The following PCSK5 variants were observed in gnomAD, a reference collection of about 807,000 sequenced individuals.
PCSK5 encodes the protein prohormone convertase 5.
In PCSK5, 129 loss-of-function variants were observed where a neutral mutation model predicts 233.2. The ratio of observed to expected loss-of-function variants is 0.55; its 90% CI spans 0.48 to 0.64. The LOEUF is 0.64. PCSK5 is among the 30% of genes least tolerant of loss of function. The pLI is 0.00. For missense variants in PCSK5, 2,076 were observed against 2,430.1 expected (o/e 0.85, Z 3.06); for synonymous variants, 825 against 879.2 (o/e 0.94, Z 1.09).
intron 7 of PCSK5, among the ~76,000 whole-genome samples, chr9:76,083,646 C>T (rs1830942458): frequency 2.0e-5 from 3 of 152,210 alleles, no homozygotes; most frequent in Admixed American, 1.3e-4. Flanking sequence ...AAGACTCTGA[C>T]CACTATTTTC....
chr9:76,105,644 C>T (rs1430695093), intron 8 of PCSK5, among the ~76,000 whole-genome samples: 2 of 152,218 alleles, frequency 1.3e-5, no homozygotes, highest in African/African-American at 4.8e-5. Flanking sequence ...GCAAGCATCA[C>T]ATGTCGAGGT....
At position 76,323,307 on chromosome 9, in the gene PCSK5, C is replaced by A; in HGVS notation, c.4339+19C>A. ...TGCAGAGGTAAAGACTTCTGGGATT[C>A]AAAATAGGCTCCGGGGTTTGCATAG... On this transcript the variant is annotated intron_variant, in intron 32 of 37. Transcript: ENST00000674117. 1 of 1,435,104 alleles carries A rather than the reference C, an allele frequency of 7.0e-7. No homozygotes were observed. The highest frequency in any genetic ancestry group is 2.3e-5 in the East Asian group (1 of 43,986). 88.9% of individuals were successfully genotyped at this position (1,435,104 alleles called of 1,614,324 possible).
intron 7 of PCSK5, among the ~76,000 whole-genome samples, chr9:76,086,391 A>G (rs541124790): frequency 6.6e-6 from 1 of 152,266 alleles, no homozygotes; most frequent in Non-Finnish European, 1.5e-5. Context: ...CCCCCACAAA[A>G]TGGGAAAACT....
rs557099839 is a variant in PCSK5, at chr9:76,072,818, A to T, written c.894+920A>T. On this transcript the variant is annotated intron_variant, in intron 7 of 37. Transcript: ENST00000674117. ...TAAGCCAAATCCTGTTTGACCATCA[A>T]GCGCCAGCTAAAAAAGGTTCACGTC... 1.1e-4 allele frequency among the ~76,000 whole-genome samples: 17 copies of T among 152,272 alleles called. No individual in the cohort carries two copies. The East Asian group carries it at 2.5e-3, about 22-fold the overall frequency.
At chr9:75,995,092 C>T (rs1362935822) in intron 3 of PCSK5, among the ~76,000 whole-genome samples, 1 of 152,220 alleles carries the variant, frequency 6.6e-6, no homozygotes. Flanking sequence ...CCATGTCCCT[C>T]TGCTGGGTTA....
intron 5 of PCSK5, among the ~76,000 whole-genome samples, chr9:76,064,259 G>C (rs1321770781): frequency 2.0e-5 from 2 of 101,334 alleles, no homozygotes; most frequent in Non-Finnish European, 3.8e-5. Flanking sequence ...CCTCCTGGAC[G>C]GGGTGGCTGG....
intron 2 of PCSK5, among the ~76,000 whole-genome samples, chr9:75,946,291 C>T (rs556327981): frequency 1.3e-5 from 2 of 152,168 alleles, no homozygotes; most frequent in African/African-American, 2.4e-5. Flanking sequence ...AGAGAAGACA[C>T]TGTTATAAAA....
chr9:76,096,301 A>G (rs962079044), intron 8 of PCSK5, among the ~76,000 whole-genome samples, 199 bp downstream of exon 8: 2 of 152,206 alleles, frequency 1.3e-5, no homozygotes, highest in African/African-American at 2.4e-5. Flanking sequence ...TTGTGCAGTC[A>G]TCACATTGCA....
chr9:75,952,608 T>G (rs1330737580), intron 2 of PCSK5, among the ~76,000 whole-genome samples: 1 of 152,208 alleles, frequency 6.6e-6, no homozygotes, highest in Non-Finnish European at 1.5e-5. Flanking sequence ...CATGGGTCCC[T>G]TTATATTCAG....
intron 20 of PCSK5, among the ~76,000 whole-genome samples, chr9:76,211,618 T>G (rs750894730): frequency 2.2e-4 from 34 of 152,158 alleles, no homozygotes; most frequent in Middle Eastern, 6.8e-3. Flanking sequence ...GAGGCTGAGG[T>G]GGGAGGATCA....
intron 10 of PCSK5, among the ~76,000 whole-genome samples, chr9:76,136,515 A>G (rs1482924623): frequency 6.6e-6 from 1 of 152,112 alleles, no homozygotes; most frequent in Non-Finnish European, 1.5e-5. Flanking sequence ...GCAGGAATCC[A>G]TAGTCACGTA....
intron 5 of PCSK5, among the ~76,000 whole-genome samples, chr9:76,064,128 C>T (rs1483770756): frequency 5.8e-5 from 7 of 120,330 alleles, no homozygotes; most frequent in Non-Finnish European, 1.0e-4. Context: ...GCTGGCTGGG[C>T]GGAGGGCTGA....
chr9:76,162,688 A>AT (rs1047155956), intron 12 of PCSK5, among the ~76,000 whole-genome samples: 42 of 151,796 alleles, frequency 2.8e-4, no homozygotes, highest in East Asian at 5.8e-4. Context: ...AAGAACAAAG[A>AT]TTTTTTTCTT....
chr9:75,914,871 GT>G (rs1822914123), intron 1 of PCSK5, among the ~76,000 whole-genome samples: 1 of 152,196 alleles, frequency 6.6e-6, no homozygotes, highest in Admixed American at 6.5e-5. Context: ...TTTAGAGGTA[GT>G]ATTTTTTCCC....
intron 20 of PCSK5, among the ~76,000 whole-genome samples, chr9:76,192,978 CTAATCTTTTTTTTTTTT>C (rs1824484292): frequency 9.7e-6 from 1 of 102,950 alleles, no homozygotes; most frequent in Non-Finnish European, 1.9e-5. Flanking sequence ...TATTCTTTTT[CTAATCTTTTTTTTTTTT>C]CACAAATGGA....
At chr9:75,973,061 C>T (rs1236390405) in intron 2 of PCSK5, among the ~76,000 whole-genome samples, 1 of 147,322 alleles carries the variant, frequency 6.8e-6, no homozygotes, top group Non-Finnish European at 1.5e-5. Flanking sequence ...CTTAACCCCA[C>T]TATGCCTCAG....
intron 7 of PCSK5, among the ~76,000 whole-genome samples, chr9:76,085,808 C>G (rs1354139787): frequency 6.6e-6 from 1 of 152,162 alleles, no homozygotes; most frequent in African/African-American, 2.4e-5. Context: ...CAGACTTGAG[C>G]TGGCACTTGG....
At chr9:75,968,834 G>T (rs1825700528) in intron 2 of PCSK5, among the ~76,000 whole-genome samples, 1 of 152,188 alleles carries the variant, frequency 6.6e-6, no homozygotes, top group Non-Finnish European at 1.5e-5. Flanking sequence ...ATTTGATAAG[G>T]TGTGTGAAAA....
chr9:76,150,525 G>A (rs1361562878), intron 10 of PCSK5, among the ~76,000 whole-genome samples: 1 of 151,976 alleles, frequency 6.6e-6, no homozygotes, highest in Non-Finnish European at 1.5e-5. Flanking sequence ...CCCAGCTACT[G>A]GGGAGGCTGA....
Sources: allele counts gnomAD v4.1 joint callset (sites outside exome capture counted in the v4.1 genomes callset), GRCh38; gene constraint gnomAD v4.1.1; transcripts MANE v1.5; gene names NCBI Gene and HGNC (gene_info 2026-07-23, HGNC 2026-07-21).